DSCAM: variants seen among roughly 807,000 people sequenced by gnomAD.
DSCAM encodes DS cell adhesion molecule.
In DSCAM, 47 loss-of-function variants were observed where a neutral mutation model predicts 217.7. The ratio of observed to expected loss-of-function variants is 0.22; its 90% CI spans 0.17 to 0.28. The LOEUF is 0.28. Ranked by LOEUF, DSCAM falls within the 10% of genes least tolerant of loss-of-function variation. The pLI is 1.00. For missense variants in DSCAM, 2,080 were observed against 2,618.3 expected, an observed-to-expected ratio of 0.79 and a Z score of 4.49; for synonymous variants, 1,056 against 1,015.3, an observed-to-expected ratio of 1.04 and a Z score of -0.76.
intron 24 of DSCAM, among the ~76,000 whole-genome samples, chr21:40,083,396 T>A (rs1358339199): frequency 6.6e-6 from 1 of 152,220 alleles, no homozygotes; most frequent in Non-Finnish European, 1.5e-5. Flanking sequence ...GCCACTGCAC[T>A]CCAGCCTGGG....
intron 11 of DSCAM, among the ~76,000 whole-genome samples, chr21:40,267,085 T>A (rs1260918811): frequency 6.6e-6 from 1 of 151,934 alleles, no homozygotes; most frequent in African/African-American, 2.4e-5. Flanking sequence ...CAATGTACAC[T>A]ACTCAGATGA....
intron 32 of DSCAM, among the ~76,000 whole-genome samples, chr21:40,030,199 G>A (rs2088493435): frequency 1.3e-5 from 2 of 152,166 alleles, no homozygotes; most frequent in Non-Finnish European, 2.9e-5. Flanking sequence ...CTCCCTCTCA[G>A]CCTCCCTGCT....
chr21:40,318,935 T>A (rs1407246435), intron 8 of DSCAM, among the ~76,000 whole-genome samples: 3 of 152,144 alleles, frequency 2.0e-5, no homozygotes, highest in Non-Finnish European at 4.4e-5. Context: ...CCCTGCCTTC[T>A]GGGTGGGAAG....
chr21:40,731,671 T>G (rs1282740076), intron 1 of DSCAM, among the ~76,000 whole-genome samples: 2 of 152,012 alleles, frequency 1.3e-5, no homozygotes, highest in African/African-American at 4.8e-5. Context: ...TCAGTCATAT[T>G]TAATGAAGGC....
chr21:40,072,955 G>A (rs2089317365), intron 27 of DSCAM, among the ~76,000 whole-genome samples: 1 of 152,140 alleles, frequency 6.6e-6, no homozygotes, highest in South Asian at 2.1e-4. Context: ...CTGGAAGCAG[G>A]GAGGCCAACA....
intron 3 of DSCAM, among the ~76,000 whole-genome samples, chr21:40,690,176 G>A (rs112905329): frequency 2.4e-4 from 37 of 152,314 alleles, no homozygotes; most frequent in African/African-American, 8.9e-4. Flanking sequence ...CACCTCCAGT[G>A]ACTTCATGAC....
At chr21:40,389,143 T>C (rs1010163447) in intron 3 of DSCAM, among the ~76,000 whole-genome samples, 4 of 152,228 alleles carry the variant, frequency 2.6e-5, no homozygotes, top group African/African-American at 9.6e-5. Flanking sequence ...TTTTCTCCAA[T>C]GTACATTTTG....
chr21:40,257,427 A>G (rs2073387710), intron 11 of DSCAM, among the ~76,000 whole-genome samples: 1 of 150,066 alleles, frequency 6.7e-6, no homozygotes, highest in Non-Finnish European at 1.5e-5. Flanking sequence ...TGAATCTATG[A>G]GTGTGGAAGC....
At chr21:40,087,608 T>A (rs1056756696) in intron 21 of DSCAM, among the ~76,000 whole-genome samples, 2 of 152,208 alleles carry the variant, frequency 1.3e-5, no homozygotes, top group African/African-American at 2.4e-5. Flanking sequence ...CAAAGCACTT[T>A]AGGAAGCAAT....
chr21:40,195,391 G>C (rs1273710614), intron 11 of DSCAM, among the ~76,000 whole-genome samples: 2 of 152,178 alleles, frequency 1.3e-5, no homozygotes, highest in South Asian at 4.1e-4. Flanking sequence ...GTACCAAACA[G>C]CCTGGATAAT....
At chr21:40,626,100 A>G (rs983446255) in intron 3 of DSCAM, among the ~76,000 whole-genome samples, 4 of 152,170 alleles carry the variant, frequency 2.6e-5, no homozygotes, top group Admixed American at 6.5e-5. Context: ...TAAAATTAAT[A>G]TAAGACCGAT....
chr21:40,260,228 T>C (rs1009159753), intron 11 of DSCAM, among the ~76,000 whole-genome samples: 2 of 152,194 alleles, frequency 1.3e-5, no homozygotes, highest in African/African-American at 4.8e-5. Context: ...GTAATGTGTC[T>C]TACAATCAGT....
At position 40,108,923 on chromosome 21, in the gene DSCAM, G is replaced by A. The variant is rs541649473; in HGVS notation, c.3697-15049C>T. ...GAAAGGACTCCCTATTCAATAAATG[G>A]TGCTGGGATAACTAGCTAGCCATAT... On this transcript the variant is annotated intron_variant, in intron 20 of 32. Transcript: ENST00000400454. 8.5e-5 allele frequency among the ~76,000 whole-genome samples: 13 copies of A among 152,264 alleles called. No individual in the cohort carries two copies. The South Asian group carries it at 2.5e-3, about 29-fold the overall frequency.
At chr21:40,186,328 A>G (rs779958056) in intron 14 of DSCAM, among the ~76,000 whole-genome samples, 1 of 152,208 alleles carries the variant, frequency 6.6e-6, no homozygotes, top group Non-Finnish European at 1.5e-5. Flanking sequence ...GTATCCAGGA[A>G]GTGAAAAATA....
chr21:40,074,287 T>C (rs1417785404), intron 27 of DSCAM, among the ~76,000 whole-genome samples: 1 of 152,222 alleles, frequency 6.6e-6, no homozygotes, highest in African/African-American at 2.4e-5. Flanking sequence ...TAATACACGT[T>C]ACCGAAAAAG....
intron 3 of DSCAM, among the ~76,000 whole-genome samples, chr21:40,662,359 A>G (rs2090147925): frequency 6.6e-6 from 1 of 152,170 alleles, no homozygotes; most frequent in Non-Finnish European, 1.5e-5. Context: ...TCTTGCTTAA[A>G]CAGCATGAGT....
chr21:40,429,424 G>A (rs976630031), intron 3 of DSCAM, among the ~76,000 whole-genome samples: 2 of 151,970 alleles, frequency 1.3e-5, no homozygotes, highest in African/African-American at 2.4e-5. Context: ...GCACCACCAC[G>A]CCTGGCTAAT....
intron 3 of DSCAM, among the ~76,000 whole-genome samples, chr21:40,453,319 T>C (rs1385857303): frequency 6.6e-6 from 1 of 152,166 alleles, no homozygotes; most frequent in Non-Finnish European, 1.5e-5. Flanking sequence ...CACAGTCCTG[T>C]CATATTGTCC....
intron 6 of DSCAM, among the ~76,000 whole-genome samples, chr21:40,344,432 G>A (rs930822467): frequency 7.9e-5 from 12 of 151,966 alleles, no homozygotes; most frequent in African/African-American, 2.9e-4. Context: ...TAATGTGCAG[G>A]GCTGCTGACA....
Sources: allele counts gnomAD v4.1 joint callset (sites outside exome capture counted in the v4.1 genomes callset), GRCh38; gene constraint gnomAD v4.1.1; transcripts MANE v1.5; gene names NCBI Gene and HGNC (gene_info 2026-07-23, HGNC 2026-07-21).